The following TEKT5 variants were observed in gnomAD, a reference collection of about 807,000 sequenced individuals.
TEKT5 encodes tektin-5.
In TEKT5, 52 loss-of-function variants were observed where a neutral mutation model predicts 48.7. The observed-to-expected ratio is 1.07, with a 90% CI of 0.86 to 1.35. TEKT5 has a LOEUF of 1.35. TEKT5 is among the 40% of genes most tolerant of loss of function. The pLI, the probability that TEKT5 is intolerant of heterozygous loss-of-function variation, is 0.00. For missense variants in TEKT5, 831 were observed against 641.6 expected, an observed-to-expected ratio of 1.30 and a Z score of -3.19; for synonymous variants, 318 against 267.6, an observed-to-expected ratio of 1.19 and a Z score of -1.84.
intron 3 of TEKT5, among the ~76,000 whole-genome samples, chr16:10,688,567 G>A (rs1227977050): frequency 1.3e-5 from 2 of 152,230 alleles, no homozygotes; most frequent in Admixed American, 6.5e-5. Context: ...AAAACCAGCA[G>A]AGCAGCGTGC....
rs956545355 is a variant in TEKT5 at position 10,659,572 on chromosome 16, G to A, written c.1086+16387C>T. ...TTTTTTGTATTTTTAGTAGAGATGGGGTTTCACCATGTTAGCCTGACCTCG... is the reference window on the plus strand; with the variant it reads ...TTTTTTGTATTTTTAGTAGAGATGGAGTTTCACCATGTTAGCCTGACCTCG... On this transcript the variant is annotated intron_variant, in intron 5 of 6. Coordinates refer to ENST00000283025, the MANE Select transcript of TEKT5 (RefSeq NM_144674.2). 2.6e-5 allele frequency among the ~76,000 whole-genome samples: 4 copies of A among 152,074 alleles called. No individual in the cohort carries two copies. In the East Asian group the frequency reaches 7.7e-4, roughly 29 times the overall value.
At chr16:10,660,917 T>C (rs956596113) in intron 5 of TEKT5, among the ~76,000 whole-genome samples, 1 of 152,136 alleles carries the variant, frequency 6.6e-6, no homozygotes, top group African/African-American at 2.4e-5. Context: ...GCCAGGCTGG[T>C]CTCGAACTCC....
chr16:10,650,622 G>T (rs959398783), intron 5 of TEKT5, among the ~76,000 whole-genome samples: 1 of 151,334 alleles, frequency 6.6e-6, no homozygotes, highest in South Asian at 2.1e-4. Flanking sequence ...GGTGGCTCAC[G>T]CCTGTAATCC....
chr16:10,670,825 A>C (rs1174587007), intron 5 of TEKT5, among the ~76,000 whole-genome samples: 1 of 152,240 alleles, frequency 6.6e-6, no homozygotes, highest in East Asian at 1.9e-4. Context: ...GTTGTTAGTA[A>C]TAATTCAAAA....
At chr16:10,672,805 G>A (rs2719702) in intron 5 of TEKT5, among the ~76,000 whole-genome samples, 62,556 of 151,782 alleles carry the variant, frequency 0.41, 14,254 homozygotes, top group East Asian at 0.64. Context: ...CAGGTGTTAT[G>A]CCTGCATTAA....
chr16:10,679,393 G>T (rs1160002017), intron 4 of TEKT5, among the ~76,000 whole-genome samples: 1 of 151,096 alleles, frequency 6.6e-6, no homozygotes, highest in Admixed American at 6.6e-5. Context: ...GGAGGCAGAG[G>T]TTGCAGTGAG....
intron 3 of TEKT5, among the ~76,000 whole-genome samples, chr16:10,687,715 T>C (rs570200523): frequency 2.8e-4 from 42 of 152,392 alleles, no homozygotes; most frequent in African/African-American, 9.9e-4. Flanking sequence ...CCCATACCAC[T>C]GCACTCCAGT....
chr16:10,630,973 C>G (rs1449585566), intron 6 of TEKT5, among the ~76,000 whole-genome samples: 1 of 151,920 alleles, frequency 6.6e-6, no homozygotes, highest in East Asian at 1.9e-4. Flanking sequence ...CTTTGGGAGG[C>G]TGAAGTGGCA....
Position 10,694,578 on chromosome 16 carries a change from T to A in TEKT5, c.296A>T (p.Gln99Leu), listed in dbSNP as rs1899045816. Residue 99 changes from glutamine to leucine, a missense_variant, in exon 1 of 7, where the codon CAG (glutamine) becomes CTG (leucine). Transcript: ENST00000283025. ...YSPHDWDQSNQLQVRGAEASR... is the reference protein window; with the variant it reads ...YSPHDWDQSNLLQVRGAEASR... ...GGCCTCGGCCCCACGCACCTGCAGC[T>A]GGTTGGACTGGTCCCAGTCGTGGGG... 2.5e-6 allele frequency: 4 copies of A among 1,604,348 alleles called. No homozygotes were observed. The highest frequency in any genetic ancestry group is 1.7e-5 in the Admixed American group (1 of 59,206).
Position 10,693,515 on chromosome 16 carries a change from G to A in TEKT5, c.564+795C>T, listed in dbSNP as rs534560002. Among the ~76,000 whole-genome samples, 110 of 152,344 alleles carry A rather than the reference G, an allele frequency of 7.2e-4. 1 individual carries two copies. The highest frequency in any genetic ancestry group is 1.5e-3 in the Admixed American group (23 of 15,304). On this transcript the variant is annotated intron_variant, in intron 1 of 6. Transcript: ENST00000283025. Reference sequence around the variant, plus strand: ...AGTGTAAACAATACCAGTCAGCACCGACATTGGTCACTACGGACCCACACA... The same window carrying A: ...AGTGTAAACAATACCAGTCAGCACCAACATTGGTCACTACGGACCCACACA...
chr16:10,680,757 G>C (rs1596417105), intron 4 of TEKT5, among the ~76,000 whole-genome samples: 1 of 146,592 alleles, frequency 6.8e-6, no homozygotes, highest in African/African-American at 2.5e-5. Flanking sequence ...ACTATCACAA[G>C]AACAAAAAAC....
intron 5 of TEKT5, among the ~76,000 whole-genome samples, chr16:10,655,931 T>G (rs569897221): frequency 6.6e-6 from 1 of 152,222 alleles, no homozygotes; most frequent in Admixed American, 6.5e-5. Flanking sequence ...CTGGTGTTAT[T>G]TGGGGTCTTC....
intron 5 of TEKT5, among the ~76,000 whole-genome samples, chr16:10,650,084 T>A (rs903572509): frequency 2.0e-5 from 3 of 150,762 alleles, no homozygotes; most frequent in South Asian, 2.1e-4. Context: ...TATTATTATT[T>A]TTTTTGAGAC....
chr16:10,655,054 G>T (rs1052087768), intron 5 of TEKT5, among the ~76,000 whole-genome samples: 1 of 150,110 alleles, frequency 6.7e-6, no homozygotes, highest in East Asian at 2.0e-4. Flanking sequence ...ATTTGTCTTT[G>T]CAGGCAACTT....
chr16:10,678,092 TGAGG>T (rs1352789881), intron 4 of TEKT5, among the ~76,000 whole-genome samples: 2 of 152,168 alleles, frequency 1.3e-5, no homozygotes, highest in Non-Finnish European at 2.9e-5. Context: ...GGGAAGGCTT[TGAGG>T]AAGGGCATGC....
chr16:10,632,506 G>C (rs368718140), intron 6 of TEKT5, among the ~76,000 whole-genome samples: 1 of 152,026 alleles, frequency 6.6e-6, no homozygotes, highest in African/African-American at 2.4e-5. Context: ...ATGTTGTCCA[G>C]GCTCATCTCG....
At position 10,675,898 on chromosome 16, in the gene TEKT5, T is replaced by C. The variant is rs549974793; in HGVS notation, c.1086+61A>G. 80 of 1,555,094 alleles carry C rather than the reference T, an allele frequency of 5.1e-5. No individual in the cohort carries two copies. The African/African-American group carries it at 8.8e-4, about 17-fold the overall frequency. Reference sequence around the variant, plus strand: ...CAGCTTGGCCCAGATAACACTCAGATTCACGGGAGAAGGGTGAGGGCTTGG... The same window carrying C: ...CAGCTTGGCCCAGATAACACTCAGACTCACGGGAGAAGGGTGAGGGCTTGG... On this transcript the variant is annotated intron_variant, in intron 5 of 6. Transcript: ENST00000283025.
At chr16:10,632,391 G>A (rs1433852549) in intron 6 of TEKT5, among the ~76,000 whole-genome samples, 1 of 151,984 alleles carries the variant, frequency 6.6e-6, no homozygotes, top group African/African-American at 2.4e-5. Flanking sequence ...TCCAACTTCT[G>A]TGCTTAAGCA....
chr16:10,658,744 G>A (rs193172591), intron 5 of TEKT5, among the ~76,000 whole-genome samples: 1 of 150,686 alleles, frequency 6.6e-6, no homozygotes, highest in East Asian at 1.9e-4. Context: ...TTGAGACAGA[G>A]TCTCACTCTG....
Sources: allele counts gnomAD v4.1 joint callset (sites outside exome capture counted in the v4.1 genomes callset), GRCh38; gene constraint gnomAD v4.1.1; transcripts MANE v1.5; gene names NCBI Gene and HGNC (gene_info 2026-07-23, HGNC 2026-07-21).